The following ROBO1 variants were observed in gnomAD, a reference collection of about 807,000 sequenced individuals.
ROBO1 encodes roundabout guidance receptor 1.
Under a neutral mutation model 195.9 loss-of-function variants are expected in ROBO1, and 149 were observed. The observed-to-expected ratio is 0.76, with a 90% CI of 0.67 to 0.87. The LOEUF is 0.87. Among genes scored for constraint, ROBO1 ranks in the 40% least tolerant of loss-of-function variants. The probability of loss-of-function intolerance (pLI) is 0.00; values close to 1 mark genes in which losing one functional copy is unlikely to be tolerated. For missense variants in ROBO1, 1,933 were observed against 2,068.3 expected (o/e 0.93, Z 1.27); for synonymous variants, 816 against 733.2 (o/e 1.11, Z -1.82).
chr3:78,938,639 C>G lies in ROBO1; in HGVS notation c.461G>C (p.Gly154Ala). The change falls in exon 4 of 31, where the codon GGA becomes GCA. Residue 154 changes from glycine to alanine, a missense_variant. This residue lies in a region of ROBO1 where 1,737 missense variants were observed against 1,882.5 expected (regional missense o/e 0.92). Coordinates refer to ENST00000464233, the MANE Select transcript of ROBO1 (RefSeq NM_002941.4). The stretch of plus-strand genomic sequence containing the variant: ...CGATGCATTGTGGCTCACAGCCTCT[C>G]CAAGGTAATTCCTTGCTACACAGAC... Reference protein sequence around the residue: ...VYVCVARNYLGEAVSHNASLE... With the variant: ...VYVCVARNYLAEAVSHNASLE... 6.2e-7 allele frequency: 1 copy of G among 1,613,708 alleles called. No homozygotes were observed. The highest frequency in any genetic ancestry group is 8.5e-7 in the Non-Finnish European group (1 of 1,179,664).
chr3:79,478,800 A>G (rs574792312), intron 2 of ROBO1, among the ~76,000 whole-genome samples: 1 of 152,292 alleles, frequency 6.6e-6, no homozygotes, highest in Non-Finnish European at 1.5e-5. Flanking sequence ...GCTTTATAAC[A>G]GGCTTTCTCT....
intron 2 of ROBO1, among the ~76,000 whole-genome samples, chr3:79,248,732 T>C (rs1292627507): frequency 6.6e-6 from 1 of 152,090 alleles, no homozygotes. Context: ...GGTGATAGAA[T>C]AGAGTAACAT....
chr3:79,313,961 T>A (rs1040859792), intron 2 of ROBO1, among the ~76,000 whole-genome samples: 4 of 152,220 alleles, frequency 2.6e-5, no homozygotes, highest in African/African-American at 9.6e-5. Flanking sequence ...TGTGTTAAAC[T>A]CAGCAGCTTA....
chr3:79,523,663 G>C (rs34115477), intron 2 of ROBO1, among the ~76,000 whole-genome samples: 3 of 151,656 alleles, frequency 2.0e-5, no homozygotes, highest in Admixed American at 1.3e-4. Flanking sequence ...TAGTAGAGAC[G>C]GGGTTTCACC....
At chr3:79,546,405 A>G (rs531288240) in intron 2 of ROBO1, among the ~76,000 whole-genome samples, 1 of 152,210 alleles carries the variant, frequency 6.6e-6, no homozygotes, top group Non-Finnish European at 1.5e-5. Context: ...GGTTAAATGT[A>G]CAGTGAAAGA....
chr3:78,789,040 G>T (rs956400579), intron 4 of ROBO1, among the ~76,000 whole-genome samples: 14 of 152,068 alleles, frequency 9.2e-5, no homozygotes, highest in Non-Finnish European at 1.9e-4. Context: ...ACTAAGATAT[G>T]AAAGATCAGT....
intron 8 of ROBO1, among the ~76,000 whole-genome samples, chr3:78,711,697 C>G (rs1432361569): frequency 2.0e-5 from 3 of 150,524 alleles, no homozygotes; most frequent in African/African-American, 2.5e-5. Flanking sequence ...CCATGTTAGT[C>G]AGGCCGGTCT....
chr3:78,806,952 C>T (rs866984869), intron 4 of ROBO1, among the ~76,000 whole-genome samples: 5 of 151,914 alleles, frequency 3.3e-5, no homozygotes, highest in African/African-American at 4.8e-5. Flanking sequence ...GGATTACAGG[C>T]GTACACCACC....
chr3:78,658,065 A>C (rs1337311749), intron 17 of ROBO1, among the ~76,000 whole-genome samples: 1 of 152,242 alleles, frequency 6.6e-6, no homozygotes, highest in African/African-American at 2.4e-5. Context: ...CATTCTTCTA[A>C]TAACAAAGAG....
intron 2 of ROBO1, among the ~76,000 whole-genome samples, chr3:79,585,581 T>A (rs910640225): frequency 6.6e-6 from 1 of 151,878 alleles, no homozygotes; most frequent in East Asian, 1.9e-4. Context: ...AAAACAAGTA[T>A]CTCCAAATAA....
chr3:79,330,384 A>C (rs1202845113), intron 2 of ROBO1, among the ~76,000 whole-genome samples: 1 of 150,598 alleles, frequency 6.6e-6, no homozygotes, highest in African/African-American at 2.4e-5. Flanking sequence ...TAAGACTCAA[A>C]GGTTAAATCT....
At chr3:79,157,494 T>C (rs1019919622) in intron 2 of ROBO1, among the ~76,000 whole-genome samples, 5 of 151,904 alleles carry the variant, frequency 3.3e-5, no homozygotes, top group Non-Finnish European at 5.9e-5. Context: ...AACACCCATA[T>C]ATTTTAAGTA....
intron 4 of ROBO1, among the ~76,000 whole-genome samples, chr3:78,821,715 A>G (rs933323698): frequency 2.6e-5 from 4 of 152,194 alleles, no homozygotes; most frequent in Non-Finnish European, 4.4e-5. Context: ...ATTTGGCCCA[A>G]AGAGATTGAG....
intron 2 of ROBO1, among the ~76,000 whole-genome samples, chr3:79,313,184 C>T (rs1185116714): frequency 7.3e-5 from 9 of 122,734 alleles, no homozygotes; most frequent in Admixed American, 5.0e-4. Flanking sequence ...GAGACTCCAT[C>T]TCAAAAAAAA....
intron 2 of ROBO1, among the ~76,000 whole-genome samples, chr3:79,397,045 A>G (rs1230651211): frequency 6.6e-6 from 1 of 152,096 alleles, no homozygotes; most frequent in Admixed American, 6.6e-5. Flanking sequence ...TTCATTGAAA[A>G]TATTCCCTGG....
chr3:78,624,076 C>A (rs1230821044), intron 26 of ROBO1, among the ~76,000 whole-genome samples: 1 of 152,092 alleles, frequency 6.6e-6, no homozygotes, highest in South Asian at 2.1e-4. Flanking sequence ...GAGTTACACA[C>A]TTTACACAAG....
chr3:78,951,745 T>C (rs2040804485), intron 3 of ROBO1, among the ~76,000 whole-genome samples: 1 of 152,092 alleles, frequency 6.6e-6, no homozygotes, highest in African/African-American at 2.4e-5. Flanking sequence ...TCTAAATATT[T>C]ACACAACCAC....
chr3:79,638,075 T>G (rs1945548393), intron 1 of ROBO1, among the ~76,000 whole-genome samples: 1 of 152,138 alleles, frequency 6.6e-6, no homozygotes, highest in African/African-American at 2.4e-5. Flanking sequence ...CTTAAAAACT[T>G]CAGAAAGTTC....
chr3:78,601,208 TG>T (rs1190520970), intron 29 of ROBO1, among the ~76,000 whole-genome samples: 2 of 152,204 alleles, frequency 1.3e-5, no homozygotes, highest in Non-Finnish European at 2.9e-5. Flanking sequence ...GAGTGAAGCC[TG>T]ATTTCCCTTG....
Sources: gnomAD v4.1 joint callset for allele counts (sites outside exome capture counted in the v4.1 genomes callset) on GRCh38, gnomAD v4.1.1 for gene constraint, gnomAD v4.1.1 regional missense constraint, MANE v1.5 for transcripts, NCBI Gene and HGNC (gene_info 2026-07-23, HGNC 2026-07-21) for gene names.